The following RASA3 variants were observed in gnomAD, a reference collection of about 807,000 sequenced individuals.
RASA3 encodes ras GTPase-activating protein 3.
In RASA3, 73 loss-of-function variants were observed where a neutral mutation model predicts 110.0. That is an observed-to-expected ratio of 0.66 (90% CI 0.55 to 0.81). RASA3 has a LOEUF of 0.81. Among genes scored for constraint, RASA3 ranks in the 30% least tolerant of loss-of-function variants. The pLI is 0.00. For missense variants in RASA3, 976 were observed against 1,113.2 expected (o/e 0.88, Z 1.75); for synonymous variants, 500 against 451.4 (o/e 1.11, Z -1.37).
At chr13:114,001,002 C>T in intron 18 of RASA3, 70 bp from the exon 19 acceptor site, 3 of 990,194 alleles carry the variant, frequency 3.0e-6, no homozygotes, top group Non-Finnish European at 4.9e-6. Context: ...AAAACCACAC[C>T]CCCCACTTTC....
chr13:114,041,004 A>C lies in RASA3; in HGVS notation c.368T>G (p.Val123Gly), dbSNP rs1566515857. The C allele has an allele frequency of 6.2e-7, 1 of 1,613,546 alleles. No individual in the cohort carries two copies. Among genetic ancestry groups the C allele is most frequent in the Non-Finnish European group, 8.5e-7 (1 of 1,180,006 alleles). Residue 123 changes from valine (V) to glycine (G), a missense_variant, in exon 4 of 24, where the codon GTG (valine) becomes GGG (glycine). Val to Gly is a moderately radical substitution (Grantham distance 109, BLOSUM62 -3). Coordinates refer to ENST00000334062, the MANE Select transcript of RASA3 (RefSeq NM_007368.4). ...QLQHVDADSE[V>G]QGKVHLELRL... ...GGGCTGCGCCGAGAGTCTCACCTGC[A>C]CTTCCGAGTCAGCGTCCACGTGCTG...
chr13:114,052,737 C>T (rs1463524469), intron 2 of RASA3, among the ~76,000 whole-genome samples: 1 of 150,488 alleles, frequency 6.6e-6, no homozygotes, highest in African/African-American at 2.5e-5. Context: ...GGAGAGATCC[C>T]CGCTGCTGAC....
Position 114,104,131 on chromosome 13 carries a change from A to G in RASA3, c.55+28304T>C, listed in dbSNP as rs188000167. Among the ~76,000 whole-genome samples, 5 of 7,416 alleles carry G rather than the reference A, an allele frequency of 6.7e-4. 2 individuals carry two copies. The highest frequency in any genetic ancestry group is 1.1e-3 in the Non-Finnish European group (4 of 3,766). The allele number at this position is 7,416 out of a possible 152,430, so 4.9% of individuals were successfully genotyped here. A position where few individuals can be genotyped will look rare whatever the true frequency, so the allele number is the denominator to read the frequency against. On this transcript the variant is annotated intron_variant, in intron 1 of 23. Transcript: ENST00000334062. ...GGACACCCACCCCTGATGCGTCCAC[A>G]CTGCCACGGCCACGGACACCCACCC...
chr13:114,117,272 TGAGGGGTGCATGTGTGTGAG>T (rs2139778096), intron 1 of RASA3, among the ~76,000 whole-genome samples: 1 of 84,902 alleles, frequency 1.2e-5, no homozygotes, highest in South Asian at 4.2e-4. Flanking sequence ...TGCACGTGTG[TGAGGGGTGCATGTGTGTGAG>T]GAGAGCACGT....
chr13:114,043,668 C>G (rs139020177), intron 3 of RASA3, among the ~76,000 whole-genome samples: 3,284 of 152,116 alleles, frequency 0.022, 46 homozygotes, highest in Admixed American at 0.029. Context: ...ACCAAGGGGG[C>G]CGGCACAGGA....
intron 20 of RASA3, among the ~76,000 whole-genome samples, chr13:113,996,943 G>A (rs1454216295): frequency 6.6e-6 from 1 of 152,248 alleles, no homozygotes; most frequent in Admixed American, 6.5e-5. Context: ...CCTAAAACCT[G>A]ACAGCTGGGG....
Position 114,096,772 on chromosome 13 carries a change from G to A in RASA3, c.56-22935C>T, listed in dbSNP as rs1379462080. On this transcript the variant is annotated intron_variant, in intron 1 of 23. Transcript: ENST00000334062. This position sits in a 1 kb window ranked among gnomAD's most constrained non-coding sequence, Gnocchi z 5.1. ...AGCTCTCCAGCACCCACCGAATGAA[G>A]CACTGACCCTTCAGCCAGGCTCTGG... Among the ~76,000 whole-genome samples the A allele has an allele frequency of 6.6e-6, 1 of 152,024 alleles. No individual in the cohort carries two copies. Among genetic ancestry groups the A allele is most frequent in the Non-Finnish European group, 1.5e-5 (1 of 68,012 alleles).
intron 18 of RASA3, among the ~76,000 whole-genome samples, chr13:114,003,884 T>C (rs534264425): frequency 2.3e-4 from 35 of 152,354 alleles, no homozygotes; most frequent in Non-Finnish European, 1.8e-4. Context: ...GGAATAAATA[T>C]TCTGGCGTCT....
Position 114,065,747 on chromosome 13 carries a change from G to C in RASA3, c.173+7973C>G, listed in dbSNP as rs1283022564. ...GCTCCCAGAGGTCAGAGGCTGGAGG[G>C]CAGGGGTCCGTGGTCAGCTCACAGC... On this transcript the variant is annotated intron_variant, in intron 2 of 23. Coordinates refer to ENST00000334062, the MANE Select transcript of RASA3 (RefSeq NM_007368.4). The surrounding 1 kb of genome is among the most constrained non-coding windows in gnomAD (Gnocchi z 4.1). 6.6e-6 allele frequency among the ~76,000 whole-genome samples: 1 copy of C among 151,984 alleles called. No homozygotes were observed. Among genetic ancestry groups the C allele is most frequent in the Non-Finnish European group, 1.5e-5 (1 of 67,988 alleles).
chr13:113,979,853 C>A (rs555625031), intron 23 of RASA3, among the ~76,000 whole-genome samples: 6 of 152,150 alleles, frequency 3.9e-5, no homozygotes, highest in African/African-American at 1.4e-4. Context: ...CTCCCTCATA[C>A]CATGTGTGTG....
intron 8 of RASA3, among the ~76,000 whole-genome samples, 176 bp downstream of exon 8, chr13:114,024,103 A>C (rs1034539631): frequency 2.2e-4 from 34 of 152,230 alleles, no homozygotes; most frequent in African/African-American, 7.0e-4. Flanking sequence ...GTGAGCCCTA[A>C]CACCACCCAC....
intron 1 of RASA3, among the ~76,000 whole-genome samples, chr13:114,087,670 C>T (rs1485556446): frequency 6.6e-6 from 1 of 152,226 alleles, no homozygotes. Context: ...TCCAGGCTGA[C>T]ATGGGGCTGA....
At position 114,056,262 on chromosome 13, in the gene RASA3, C is replaced by G. The variant is rs2079243335; in HGVS notation, c.174-4107G>C. 6.6e-6 allele frequency among the ~76,000 whole-genome samples: 1 copy of G among 152,128 alleles called. No homozygotes were observed. The highest frequency in any genetic ancestry group is 1.5e-5 in the Non-Finnish European group (1 of 68,010). ...TGAGTGGTGAGTGTCTGGTGTGTGTCTGATGTGTGTCTGATGCATATTTGG... is the reference window on the plus strand; with the variant it reads ...TGAGTGGTGAGTGTCTGGTGTGTGTGTGATGTGTGTCTGATGCATATTTGG... On this transcript the variant is annotated intron_variant, in intron 2 of 23. Coordinates refer to ENST00000334062, the MANE Select transcript of RASA3 (RefSeq NM_007368.4). This position sits in a 1 kb window ranked among gnomAD's most constrained non-coding sequence, Gnocchi z 5.7.
Position 114,018,103 on chromosome 13 carries a change from C to T in RASA3, c.1091+1G>A. 1 of 1,534,420 alleles carries T rather than the reference C, an allele frequency of 6.5e-7. No homozygotes were observed. On this transcript the variant is annotated splice_donor_variant, in intron 11 of 23. Coordinates refer to ENST00000334062, the MANE Select transcript of RASA3 (RefSeq NM_007368.4). LOFTEE classifies it high-confidence loss of function. ...TCCCCCGGGGCAGGGTGGGCACTCA[C>T]TGGGTCCGCTTCACCTCCGCGCTGG...
chr13:114,001,950 GC>G (rs1293634833), intron 18 of RASA3, among the ~76,000 whole-genome samples: 2 of 152,388 alleles, frequency 1.3e-5, no homozygotes, highest in African/African-American at 4.8e-5. Context: ...AGACAGGATG[GC>G]CACCGAGGAT....
At chr13:114,080,349 G>A (rs1041170319) in intron 1 of RASA3, among the ~76,000 whole-genome samples, 9 of 152,242 alleles carry the variant, frequency 5.9e-5, no homozygotes. Flanking sequence ...GGGCTGTGCG[G>A]GCTGATTCCA....
intron 1 of RASA3, among the ~76,000 whole-genome samples, chr13:114,100,779 C>T (rs2139737265): frequency 6.6e-6 from 1 of 152,336 alleles, no homozygotes; most frequent in Non-Finnish European, 1.5e-5. Context: ...GAGAAACACT[C>T]CAAGGCCCCA....
chr13:114,132,617 G>T lies in RASA3; in HGVS notation c.-128C>A, dbSNP rs2139814327. ...CGAGGGTCCGCCCGCCTGCAAGACC[G>T]CCAGTTGGCCGAGGGCGAGGGCGGG... On this transcript the variant is annotated 5_prime_UTR_variant, in exon 1 of 24. Coordinates refer to ENST00000334062, the MANE Select transcript of RASA3 (RefSeq NM_007368.4). 1.4e-6 allele frequency: 1 copy of T among 700,150 alleles called. No individual in the cohort carries two copies. Among genetic ancestry groups the T allele is most frequent in the East Asian group, 4.6e-5 (1 of 21,576 alleles). 43.4% of individuals were successfully genotyped at this position (700,150 alleles called of 1,614,324 possible). A position where few individuals can be genotyped will look rare whatever the true frequency, so the allele number is the denominator to read the frequency against.
At chr13:114,124,542 G>A (rs1475481882) in intron 1 of RASA3, among the ~76,000 whole-genome samples, 2 of 152,164 alleles carry the variant, frequency 1.3e-5, no homozygotes, top group African/African-American at 2.4e-5. Flanking sequence ...TGGACTCTGC[G>A]TCACACCCAG....
Sources: allele counts gnomAD v4.1 joint callset (sites outside exome capture counted in the v4.1 genomes callset), GRCh38; gene constraint gnomAD v4.1.1; non-coding constraint Gnocchi (gnomAD v3.1); transcripts MANE v1.5; gene names NCBI Gene and HGNC (gene_info 2026-07-23, HGNC 2026-07-21).